ANAPC2: variants seen among roughly 807,000 people sequenced by gnomAD.
The protein encoded by ANAPC2 is anaphase-promoting complex subunit 2.
A neutral mutation model predicts 84.3 loss-of-function variants in ANAPC2; 29 were observed. The observed-to-expected ratio is 0.34, with a 90% confidence interval of 0.26 to 0.47. The LOEUF (loss-of-function observed/expected upper bound fraction) is 0.47, where lower values mean the gene tolerates loss of function less well. Ranked by LOEUF, ANAPC2 falls within the 20% of genes least tolerant of loss-of-function variation. ANAPC2 has a pLI of 1.00. For synonymous variants in ANAPC2, 571 were observed against 479.4 expected (o/e 1.19, Z -2.50); for missense variants, 857 against 1,131.7 (o/e 0.76, Z 3.48).
Position 137,180,437 on chromosome 9 carries a change from G to T in ANAPC2, c.1686+15C>A. On this transcript the variant is annotated intron_variant, in intron 9 of 12. Transcript: ENST00000323927. ...CCTGCGGGGCGGCCGGGCAGCGGGCGGGGCTGGGACCCACCTTCAGCATGA... is the reference window on the plus strand; with the variant it reads ...CCTGCGGGGCGGCCGGGCAGCGGGCTGGGCTGGGACCCACCTTCAGCATGA... 1 of 1,612,770 alleles carries T rather than the reference G, an allele frequency of 6.2e-7. No homozygotes were observed. Among genetic ancestry groups the T allele is most frequent in the Non-Finnish European group, 8.5e-7 (1 of 1,179,858 alleles).
chr9:137,178,874 G>T (rs1434599001), intron 10 of ANAPC2, among the ~76,000 whole-genome samples: 1 of 152,204 alleles, frequency 6.6e-6, no homozygotes, highest in East Asian at 1.9e-4. Context: ...CCCTCCCCTT[G>T]TCTGTCTCCG....
At position 137,188,505 on chromosome 9, in the gene ANAPC2, C is replaced by G. The variant is rs1440136317; in HGVS notation, c.28G>C (p.Gly10Arg). MAAAVVVAEGDSDSRPGQEL... is the reference protein window; with the variant it reads MAAAVVVAERDSDSRPGQEL... ...TGTCCGGGCCGGGAGTCGCTGTCCC[C>G]CTCCGCCACCACAACTGCCGCCGCC... Residue 10 changes from glycine (G) to arginine (R), a missense_variant, in exon 1 of 13, where the codon GGG becomes CGG. Physicochemically the swap from Gly to Arg is moderately radical, Grantham distance 125. Transcript: ENST00000323927. 1.9e-6 allele frequency: 3 copies of G among 1,609,498 alleles called. No individual in the cohort carries two copies. Among genetic ancestry groups the G allele is most frequent in the African/African-American group, 1.3e-5 (1 of 75,004 alleles).
In ANAPC2 at chr9:137,187,483, G is replaced by C. The variant is rs748298095; in HGVS notation, c.738C>G (p.Val246=). Residue 246 remains valine (V), a splice_region_variant and synonymous_variant, in exon 2 of 13, where the codon GTC becomes GTG. Coordinates refer to ENST00000323927, the MANE Select transcript of ANAPC2 (RefSeq NM_013366.4). ...ALEQFHQLSQ[V]LHRLSLLERV... is the part of the protein sequence containing the mutation. ...GGCCATCGGGACAGACTACTCACAAGACCTGGCTGAGCTGATGGAACTGCT... is the reference window on the plus strand; with the variant it reads ...GGCCATCGGGACAGACTACTCACAACACCTGGCTGAGCTGATGGAACTGCT... The C allele has an allele frequency of 7.0e-5, 112 of 1,604,638 alleles. 3 individuals are homozygous for C. In the South Asian group the frequency reaches 1.0e-3, roughly 15 times the overall value.
At chr9:137,180,703 G>A (rs1047568896) in intron 8 of ANAPC2, 85 bp downstream of exon 8, 5 of 1,574,730 alleles carry the variant, frequency 3.2e-6, no homozygotes, top group Non-Finnish European at 4.3e-6. Context: ...CCAGGCCCCA[G>A]GCACGGCGTC....
Position 137,180,938 on chromosome 9 carries a change from G to T in ANAPC2, c.1469-9C>A. 1 of 1,612,498 alleles carries T rather than the reference G, an allele frequency of 6.2e-7. No individual in the cohort carries two copies. Among genetic ancestry groups the T allele is most frequent in the South Asian group, 1.1e-5 (1 of 91,064 alleles). ...CTTGGAGCTCGACTTCCCTGGCATG[G>T]TGGGGGCAGGGGTGTCACCTGACAG... On this transcript the variant is annotated splice_polypyrimidine_tract_variant and intron_variant, in intron 7 of 12. Coordinates refer to ENST00000323927, the MANE Select transcript of ANAPC2 (RefSeq NM_013366.4).
intron 10 of ANAPC2, chr9:137,176,388 A>G (rs886353976): frequency 6.6e-6 from 1 of 152,242 alleles, no homozygotes; most frequent in Non-Finnish European, 1.5e-5. Context: ...AAGACAATCT[A>G]TTTCTGTTTT....
At chr9:137,177,847 T>G (rs1834257398) in intron 10 of ANAPC2, among the ~76,000 whole-genome samples, 1 of 152,002 alleles carries the variant, frequency 6.6e-6, no homozygotes, top group African/African-American at 2.4e-5. Flanking sequence ...CGGGGGAACA[T>G]CACGGGCGAC....
chr9:137,175,354 G>A lies in ANAPC2; in HGVS notation c.2139C>T (p.Phe713=). 6.2e-7 allele frequency: 1 copy of A among 1,612,320 alleles called. No individual in the cohort carries two copies. The highest frequency in any genetic ancestry group is 8.5e-7 in the Non-Finnish European group (1 of 1,179,752). The change falls in exon 12 of 13, where the codon TTC becomes TTT. Residue 713 remains phenylalanine (F), a synonymous_variant. Transcript: ENST00000323927. ...GVLREEPPGT[F]SVIEEERPQD... is the part of the protein sequence containing the mutation. ...GAGGCCGCTCCTCCTCAATGACAGA[G>A]AAGGTGCCGGGGGGCTCCTCACGCA...
intron 1 of ANAPC2, 28 bp downstream of exon 1, chr9:137,188,388 G>A: frequency 3.1e-6 from 5 of 1,593,402 alleles, no homozygotes; most frequent in African/African-American, 1.3e-5. Context: ...ACTCCGCGCG[G>A]GGCCGCCCCT....
At chr9:137,188,186 G>T in intron 1 of ANAPC2, 83 bp from the exon 2 acceptor site, 1 of 1,511,558 alleles carries the variant, frequency 6.6e-7, no homozygotes, top group Non-Finnish European at 8.9e-7. Flanking sequence ...TGAGGGGGAG[G>T]CTGCAAAAAC....
At position 137,175,428 on chromosome 9, in the gene ANAPC2, C is replaced by T. The variant is rs768571820; in HGVS notation, c.2065G>A (p.Val689Met). 3.4e-5 allele frequency: 54 copies of T among 1,602,340 alleles called. No individual in the cohort carries two copies. The highest frequency in any genetic ancestry group is 1.6e-4 in the Middle Eastern group (1 of 6,068). The part of the protein sequence containing the change: ...EELSKAVKMP[V>M]ALLRRRMSVW... ...GACATCCGCCGCCGCAGCAGCGCCACGGGCATCTTCACCGCCTTGCTCAGT... is the reference window on the plus strand; with the variant it reads ...GACATCCGCCGCCGCAGCAGCGCCATGGGCATCTTCACCGCCTTGCTCAGT... The change falls in exon 12 of 13, where the codon GTG (valine) becomes ATG (methionine). Residue 689 changes from valine to methionine, a missense_variant. Val to Met is a conservative substitution (Grantham distance 21). This residue lies in a region of ANAPC2 where 425 missense variants were observed against 595.5 expected (regional missense o/e 0.71). Coordinates refer to ENST00000323927, the MANE Select transcript of ANAPC2 (RefSeq NM_013366.4).
intron 10 of ANAPC2, among the ~76,000 whole-genome samples, chr9:137,179,121 G>T (rs1024500971): frequency 6.6e-6 from 1 of 152,320 alleles, no homozygotes; most frequent in African/African-American, 2.4e-5. Flanking sequence ...TGCTCCTCCT[G>T]CCTGGGCCGA....
chr9:137,174,912 TGGCGGGCGGGCGGGCG>T lies in ANAPC2; in HGVS notation c.*14_*29del, dbSNP rs367818808. 56 of 552,380 alleles carry T rather than the reference TGGCGGGCGGGCGGGCG, an allele frequency of 1.0e-4. 1 individual carries two copies. The East Asian group carries it at 3.1e-3, about 30-fold the overall frequency. The allele number at this position is 552,380 out of a possible 1,614,324, so 34.2% of individuals were successfully genotyped here. A position where few individuals can be genotyped will look rare whatever the true frequency, so the allele number is the denominator to read the frequency against. On this transcript the variant is annotated 3_prime_UTR_variant, in exon 13 of 13. Coordinates refer to ENST00000323927, the MANE Select transcript of ANAPC2 (RefSeq NM_013366.4). The surrounding 1 kb of genome is among the most constrained non-coding windows in gnomAD (Gnocchi z 6.1). Reference sequence around the variant, plus strand: ...ACGAGAGCACCTGCAGGGCAGCGCCTGGCGGGCGGGCGGGCGGGCGGGCGATGTGTCAGCTGCAGTT... The same window carrying T: ...ACGAGAGCACCTGCAGGGCAGCGCCTGGCGGGCGATGTGTCAGCTGCAGTT...
chr9:137,180,521 G>A lies in ANAPC2; in HGVS notation c.1617C>T (p.Ile539=), dbSNP rs763192021. The A allele has an allele frequency of 1.9e-6, 3 of 1,613,030 alleles. No homozygotes were observed. Among genetic ancestry groups the A allele is most frequent in the Non-Finnish European group, 2.5e-6 (3 of 1,179,924 alleles). Residue 539 remains isoleucine, a synonymous_variant, in exon 9 of 13, where the codon ATC becomes ATT. Coordinates refer to ENST00000323927, the MANE Select transcript of ANAPC2 (RefSeq NM_013366.4). The part of the protein sequence containing the change: ...HQFSFSPERE[I]RNVELLKLRF... Reference sequence around the variant, plus strand: ...GCAGCTTCAGCAGCTCCACGTTGCGGATCTCCCTGGAAAGACGAGTGTCTG... The same window carrying A: ...GCAGCTTCAGCAGCTCCACGTTGCGAATCTCCCTGGAAAGACGAGTGTCTG...
rs769984093 is a variant in ANAPC2 at position 137,175,363 on chromosome 9, G to A, written c.2130C>T (p.Pro710=). 83 of 1,611,430 alleles carry A rather than the reference G, an allele frequency of 5.2e-5. No individual in the cohort carries two copies. The South Asian group carries it at 5.3e-4, about 10-fold the overall frequency. The part of the protein sequence containing the change: ...LQQGVLREEP[P]GTFSVIEEER... ...CCTCCTCAATGACAGAGAAGGTGCC[G>A]GGGGGCTCCTCACGCAGCACACCCT... The change falls in exon 12 of 13, where the codon CCC becomes CCT. Residue 710 remains proline, a synonymous_variant. Transcript: ENST00000323927.
At chr9:137,180,136 G>T in intron 10 of ANAPC2, 45 bp downstream of exon 10, 2 of 1,591,932 alleles carry the variant, frequency 1.3e-6, no homozygotes, top group South Asian at 1.1e-5. Context: ...CGCAGTGCAG[G>T]GTAGGGGTGC....
intron 3 of ANAPC2, 68 bp downstream of exon 3, chr9:137,186,156 G>A (rs1282145562): frequency 5.0e-6 from 8 of 1,586,214 alleles, no homozygotes; most frequent in Non-Finnish European, 6.9e-6. Context: ...CTGAAGCCAG[G>A]TGTCAGGTTT....
Position 137,175,362 on chromosome 9 carries a change from C to G in ANAPC2, c.2131G>C (p.Gly711Arg). ...QQGVLREEPP[G>R]TFSVIEEERP... ...TCCTCCTCAATGACAGAGAAGGTGC[C>G]GGGGGGCTCCTCACGCAGCACACCC... The change falls in exon 12 of 13, where the codon GGC becomes CGC. Residue 711 changes from glycine (G) to arginine (R), a missense_variant. By Grantham distance (125) the Gly-to-Arg change is moderately radical (BLOSUM62 -2). This residue lies in a region of ANAPC2 where 425 missense variants were observed against 595.5 expected (regional missense o/e 0.71). Transcript: ENST00000323927. 4 of 1,611,772 alleles carry G rather than the reference C, an allele frequency of 2.5e-6. No homozygotes were observed. The highest frequency in any genetic ancestry group is 3.4e-6 in the Non-Finnish European group (4 of 1,179,568).
rs761191548 is a variant in ANAPC2, at chr9:137,188,500, G to A, written c.33C>T (p.Asp11=). Residue 11 remains aspartate (D), a synonymous_variant, in exon 1 of 13, where the codon GAC becomes GAT. Transcript: ENST00000323927. The part of the protein sequence containing the change: MAAAVVVAEG[D]SDSRPGQELL... ...ACTCCTGTCCGGGCCGGGAGTCGCT[G>A]TCCCCCTCCGCCACCACAACTGCCG... The A allele has an allele frequency of 1.2e-6, 2 of 1,609,624 alleles. No individual in the cohort carries two copies. The highest frequency in any genetic ancestry group is 1.7e-6 in the Non-Finnish European group (2 of 1,179,440).
Sources: gnomAD v4.1 joint callset for allele counts (sites outside exome capture counted in the v4.1 genomes callset) on GRCh38, gnomAD v4.1.1 for gene constraint, gnomAD v4.1.1 regional missense constraint, Gnocchi (gnomAD v3.1) non-coding constraint, MANE v1.5 for transcripts, NCBI Gene and HGNC (gene_info 2026-07-23, HGNC 2026-07-21) for gene names.